TAFA4: variants seen among roughly 807,000 people sequenced by gnomAD.
TAFA4 encodes the protein chemokine-like protein TAFA-4.
In TAFA4, 20 loss-of-function variants were observed where a neutral mutation model predicts 21.1. The ratio of observed to expected loss-of-function variants is 0.95; its 90% CI spans 0.67 to 1.38. TAFA4 has a LOEUF of 1.38. Ranked by LOEUF, TAFA4 falls within the 40% of genes most tolerant of loss-of-function variation. The pLI, the probability that TAFA4 is intolerant of heterozygous loss-of-function variation, is 0.00. For synonymous variants in TAFA4, 71 were observed against 67.4 expected, an observed-to-expected ratio of 1.05 and a Z score of -0.26; for missense variants, 211 against 180.9, an observed-to-expected ratio of 1.17 and a Z score of -0.95.
chr3:68,807,478 T>A (rs1037669124), intron 3 of TAFA4, among the ~76,000 whole-genome samples: 2 of 152,156 alleles, frequency 1.3e-5, no homozygotes, highest in Non-Finnish European at 2.9e-5. Context: ...GTCACAAGAA[T>A]TGGGTAGACA....
At chr3:68,776,844 A>G (rs993212735) in intron 3 of TAFA4, among the ~76,000 whole-genome samples, 1 of 152,214 alleles carries the variant, frequency 6.6e-6, no homozygotes, top group African/African-American at 2.4e-5. Flanking sequence ...AACCAATAAT[A>G]AGAAAATCAG....
At chr3:68,811,500 C>T (rs891492971) in intron 3 of TAFA4, among the ~76,000 whole-genome samples, 6 of 151,922 alleles carry the variant, frequency 3.9e-5, no homozygotes, top group African/African-American at 1.5e-4. Flanking sequence ...GAGCTGAAAA[C>T]CATGGCACGA....
chr3:68,888,883 CCAT>C (rs1271777817), intron 1 of TAFA4, among the ~76,000 whole-genome samples: 2 of 151,964 alleles, frequency 1.3e-5, no homozygotes, highest in Non-Finnish European at 2.9e-5. Context: ...CCTCTTAATA[CCAT>C]CACAATGACA....
At chr3:68,889,125 T>G (rs1364354979) in intron 1 of TAFA4, among the ~76,000 whole-genome samples, 1 of 152,218 alleles carries the variant, frequency 6.6e-6, no homozygotes, top group Non-Finnish European at 1.5e-5. Flanking sequence ...ATGAAAGACA[T>G]TGCCCATATC....
At chr3:68,739,525 A>G (rs1052424682) in intron 4 of TAFA4, among the ~76,000 whole-genome samples, 1 of 152,174 alleles carries the variant, frequency 6.6e-6, no homozygotes, top group Non-Finnish European at 1.5e-5. Flanking sequence ...GAATCCAGCA[A>G]TCCCACCCCT....
In TAFA4 at chr3:68,827,449, A is replaced by G. The variant is rs1219059111; in HGVS notation, c.130+53281T>C. On this transcript the variant is annotated intron_variant, in intron 3 of 5. Coordinates refer to ENST00000295569, the MANE Select transcript of TAFA4 (RefSeq NM_182522.5). Reference sequence around the variant, plus strand: ...TGGTATTTCTGGTTCTAGATCCTTGAGGAATTGCCACACTGTCTTCCACAA... The same window carrying G: ...TGGTATTTCTGGTTCTAGATCCTTGGGGAATTGCCACACTGTCTTCCACAA... 3.3e-5 allele frequency among the ~76,000 whole-genome samples: 5 copies of G among 152,322 alleles called. No homozygotes were observed. The East Asian group carries it at 9.7e-4, about 29-fold the overall frequency.
At chr3:68,787,843 A>G (rs1456514397) in intron 3 of TAFA4, among the ~76,000 whole-genome samples, 5 of 152,244 alleles carry the variant, frequency 3.3e-5, no homozygotes, top group Non-Finnish European at 2.9e-5. Flanking sequence ...CTTCTAGACG[A>G]GCACTCAAAA....
At chr3:68,777,782 C>T (rs1703075201) in intron 3 of TAFA4, among the ~76,000 whole-genome samples, 1 of 152,162 alleles carries the variant, frequency 6.6e-6, no homozygotes, top group Non-Finnish European at 1.5e-5. Flanking sequence ...GGTTATAATA[C>T]TGTATCTTTT....
chr3:68,826,076 A>G (rs181831183), intron 3 of TAFA4, among the ~76,000 whole-genome samples: 166 of 152,302 alleles, frequency 1.1e-3, no homozygotes, highest in South Asian at 1.9e-3. Flanking sequence ...GTTAAGCATT[A>G]AATAAAAATT....
At chr3:68,840,637 A>C (rs1704638966) in intron 3 of TAFA4, among the ~76,000 whole-genome samples, 2 of 152,210 alleles carry the variant, frequency 1.3e-5, no homozygotes, top group African/African-American at 4.8e-5. Context: ...CAATACCCAA[A>C]GACAGAAGCT....
At chr3:68,877,719 C>G (rs775348331) in intron 3 of TAFA4, among the ~76,000 whole-genome samples, 6 of 152,160 alleles carry the variant, frequency 3.9e-5, no homozygotes, top group East Asian at 1.9e-4. Context: ...AAAAAACAAG[C>G]CTTTTTCTCT....
At chr3:68,837,010 C>T (rs1704537825) in intron 3 of TAFA4, among the ~76,000 whole-genome samples, 1 of 152,218 alleles carries the variant, frequency 6.6e-6, no homozygotes, top group Non-Finnish European at 1.5e-5. Flanking sequence ...AGGCCAAATC[C>T]AACTGGCCAT....
At chr3:68,887,997 T>C (rs1297781147) in intron 1 of TAFA4, among the ~76,000 whole-genome samples, 1 of 152,166 alleles carries the variant, frequency 6.6e-6, no homozygotes, top group Non-Finnish European at 1.5e-5. Flanking sequence ...CTTCCAAATC[T>C]TTCTGTTCTG....
intron 3 of TAFA4, among the ~76,000 whole-genome samples, chr3:68,807,818 C>G (rs1024865622): frequency 6.6e-6 from 1 of 151,898 alleles, no homozygotes. Flanking sequence ...ACCTAACACA[C>G]CTTTGCTGAG....
In TAFA4 at chr3:68,804,780, T is replaced by C. The variant is rs1265449416; in HGVS notation, c.131-51762A>G. Among the ~76,000 whole-genome samples, 3 of 152,172 alleles carry C rather than the reference T, an allele frequency of 2.0e-5. No homozygotes were observed. In the East Asian group the frequency reaches 5.8e-4, roughly 29 times the overall value. On this transcript the variant is annotated intron_variant, in intron 3 of 5. Coordinates refer to ENST00000295569, the MANE Select transcript of TAFA4 (RefSeq NM_182522.5). ...GAAAGCTGAAACTGGATCCCTTCCT[T>C]ACACCTTATACAAAAATTAATTCAA... is the stretch of plus-strand genomic sequence containing the variant.
rs184477751 is a variant in TAFA4, at chr3:68,836,451, G to C, written c.130+44279C>G. Among the ~76,000 whole-genome samples the C allele has an allele frequency of 4.1e-4, 62 of 152,322 alleles. 1 individual carries two copies. Among genetic ancestry groups the C allele is most frequent in the South Asian group, 3.5e-3 (17 of 4,818 alleles). On this transcript the variant is annotated intron_variant, in intron 3 of 5. Transcript: ENST00000295569. ...TATGAAGAAGCCTGTGTGTAGGAAAGTCTGGCTTCTAGAACTTCCTCTAAG... is the reference window on the plus strand; with the variant it reads ...TATGAAGAAGCCTGTGTGTAGGAAACTCTGGCTTCTAGAACTTCCTCTAAG...
chr3:68,886,779 G>C (rs943354650), intron 1 of TAFA4, among the ~76,000 whole-genome samples: 1 of 152,134 alleles, frequency 6.6e-6, no homozygotes, highest in African/African-American at 2.4e-5. Flanking sequence ...TCATGTCTTA[G>C]TCTGTTTTCT....
intron 4 of TAFA4, among the ~76,000 whole-genome samples, chr3:68,740,756 T>C (rs1469869231): frequency 6.6e-6 from 1 of 152,226 alleles, no homozygotes. Flanking sequence ...CCCTATGTTT[T>C]CTTCTAGGAG....
chr3:68,802,596 G>A (rs1476712501), intron 3 of TAFA4, among the ~76,000 whole-genome samples: 1 of 152,148 alleles, frequency 6.6e-6, no homozygotes, highest in Non-Finnish European at 1.5e-5. Flanking sequence ...TTCTCTGATA[G>A]TAGTTGAGCG....
Sources: allele counts gnomAD v4.1 joint callset (sites outside exome capture counted in the v4.1 genomes callset), GRCh38; gene constraint gnomAD v4.1.1; transcripts MANE v1.5; gene names NCBI Gene and HGNC (gene_info 2026-07-23, HGNC 2026-07-21).